ATXN7: variants seen among roughly 807,000 people sequenced by gnomAD.
ATXN7 encodes the protein ataxin 7, also known as ataxin-7.
Under a neutral mutation model 70.5 loss-of-function variants are expected in ATXN7, and 12 were observed. The observed-to-expected ratio is 0.17, with a 90% CI of 0.11 to 0.28. The LOEUF (loss-of-function observed/expected upper bound fraction) is 0.28. ATXN7 is among the 10% of genes least tolerant of loss of function. ATXN7 has a pLI of 1.00. For missense variants in ATXN7, 1,256 were observed against 1,131.7 expected (o/e 1.11, Z -1.58); for synonymous variants, 498 against 448.7 (o/e 1.11, Z -1.39).
At chr3:63,914,576 A>G (rs1234157778) in intron 4 of ATXN7, among the ~76,000 whole-genome samples, 1 of 152,204 alleles carries the variant, frequency 6.6e-6, no homozygotes, top group Non-Finnish European at 1.5e-5. Context: ...GGCAACTCTC[A>G]CAGTAAGCAG....
At chr3:63,976,818 C>G (rs1559653368) in intron 5 of ATXN7, among the ~76,000 whole-genome samples, 1 of 152,158 alleles carries the variant, frequency 6.6e-6, no homozygotes, top group Non-Finnish European at 1.5e-5. Context: ...GCACAACACT[C>G]AAAGACCTCA....
chr3:63,920,412 A>T lies in ATXN7; in HGVS notation c.394+7187A>T, dbSNP rs746747475. Among the ~76,000 whole-genome samples the T allele has an allele frequency of 2.4e-4, 37 of 152,186 alleles. 1 individual carries two copies. Among genetic ancestry groups the T allele is most frequent in the Non-Finnish European group, 1.6e-4 (11 of 68,032 alleles). ...AGGTAGCCCGCTAAGATCACAAAGC[A>T]TGTAAGAGGCCCTGTAACCCAGATC... On this transcript the variant is annotated intron_variant, in intron 4 of 12. Transcript: ENST00000674280.
At position 63,912,724 on chromosome 3, in the gene ATXN7, T is replaced by A; in HGVS notation, c.126T>A (p.Pro42=). 8.4e-7 allele frequency: 1 copy of A among 1,196,872 alleles called. No individual in the cohort carries two copies. Among genetic ancestry groups the A allele is most frequent in the Non-Finnish European group, 1.1e-6 (1 of 949,406 alleles). The allele number at this position is 1,196,872 out of a possible 1,614,324, so 74.1% of individuals were successfully genotyped here. A position where few individuals can be genotyped will look rare whatever the true frequency, so the allele number is the denominator to read the frequency against. The change falls in exon 3 of 13, where the codon CCT becomes CCA. Residue 42 remains proline, a synonymous_variant. Transcript: ENST00000674280. ...QQQQQQQQPP[P]PQPQRQQHPP... ...AGCAGCAGCAGCAGCAGCCGCCGCC[T>A]CCGCAGCCCCAGCGGCAGCAGCACC...
intron 4 of ATXN7, among the ~76,000 whole-genome samples, chr3:63,940,285 TCACACACACACACACACA>T (rs34660611): frequency 6.4e-5 from 9 of 141,442 alleles, no homozygotes; most frequent in Admixed American, 1.4e-4. Context: ...CCATGCCCCA[TCACACACACACACACACA>T]CACACACACA....
At chr3:63,961,751 A>T (rs967908465) in intron 5 of ATXN7, among the ~76,000 whole-genome samples, 1 of 152,040 alleles carries the variant, frequency 6.6e-6, no homozygotes, top group Non-Finnish European at 1.5e-5. Context: ...ATTATTATTT[A>T]ATATATATAT....
At chr3:63,991,650 C>T (rs1027584571) in intron 11 of ATXN7, among the ~76,000 whole-genome samples, 1 of 152,022 alleles carries the variant, frequency 6.6e-6, no homozygotes, top group African/African-American at 2.4e-5. Flanking sequence ...CAGCAGGGGC[C>T]AGGTGACACT....
intron 5 of ATXN7, among the ~76,000 whole-genome samples, chr3:63,953,109 C>T (rs1231982309): frequency 2.0e-5 from 3 of 151,864 alleles, no homozygotes; most frequent in Non-Finnish European, 2.9e-5. Flanking sequence ...AGTTTACAGT[C>T]GAATTGGAGA....
chr3:63,891,147 C>T (rs1226057561), intron 1 of ATXN7, among the ~76,000 whole-genome samples: 1 of 151,992 alleles, frequency 6.6e-6, no homozygotes, highest in Non-Finnish European at 1.5e-5. Flanking sequence ...GAAGCTGGGA[C>T]TACAGGCACG....
chr3:63,897,708 C>T (rs1421713679), intron 1 of ATXN7, among the ~76,000 whole-genome samples: 1 of 152,080 alleles, frequency 6.6e-6, no homozygotes, highest in Non-Finnish European at 1.5e-5. Flanking sequence ...GTGTCATTGC[C>T]CATATTTGTC....
intron 4 of ATXN7, among the ~76,000 whole-genome samples, chr3:63,918,486 C>G (rs1217652376): frequency 4.6e-5 from 7 of 152,154 alleles, no homozygotes; most frequent in Non-Finnish European, 1.0e-4. Flanking sequence ...TTTTAATGAT[C>G]CTCCTTGTAT....
At chr3:63,931,352 A>AC (rs1704952530) in intron 4 of ATXN7, among the ~76,000 whole-genome samples, 1 of 152,116 alleles carries the variant, frequency 6.6e-6, no homozygotes. Context: ...AAGCTTAATT[A>AC]CCCCAAGTTG....
At chr3:63,960,138 CAG>C (rs2075103534) in intron 5 of ATXN7, among the ~76,000 whole-genome samples, 1 of 152,110 alleles carries the variant, frequency 6.6e-6, no homozygotes, top group Non-Finnish European at 1.5e-5. Context: ...TGTTTAAACT[CAG>C]TGATGAAAGA....
At chr3:63,960,056 A>G (rs186885977) in intron 5 of ATXN7, among the ~76,000 whole-genome samples, 21 of 152,338 alleles carry the variant, frequency 1.4e-4, no homozygotes, top group Admixed American at 3.9e-4. Context: ...GCTAGGAATA[A>G]TGTGAGAGAA....
At chr3:63,891,142 T>C (rs1703250257) in intron 1 of ATXN7, among the ~76,000 whole-genome samples, 1 of 152,124 alleles carries the variant, frequency 6.6e-6, no homozygotes, top group Non-Finnish European at 1.5e-5. Context: ...CCTGAGAAGC[T>C]GGGACTACAG....
At chr3:63,992,215 A>G (rs1238992203) in intron 11 of ATXN7, among the ~76,000 whole-genome samples, 4 of 152,242 alleles carry the variant, frequency 2.6e-5, no homozygotes, top group African/African-American at 7.2e-5. Flanking sequence ...CTCCATGATC[A>G]TTAGCAGGAC....
At chr3:63,870,515 A>G (rs548032781) in intron 1 of ATXN7, among the ~76,000 whole-genome samples, 7 of 152,260 alleles carry the variant, frequency 4.6e-5, no homozygotes, top group Non-Finnish European at 7.4e-5. Context: ...ACTTCAGTCA[A>G]TAAGTTTTTA....
chr3:63,884,227 ACACACACACACACATACTCT>A (rs1284677335), intron 1 of ATXN7, among the ~76,000 whole-genome samples: 1 of 148,010 alleles, frequency 6.8e-6, no homozygotes, highest in African/African-American at 2.5e-5. Flanking sequence ...ACACACACAC[ACACACACACACACATACTCT>A]CACACACACA....
intron 5 of ATXN7, among the ~76,000 whole-genome samples, chr3:63,976,416 A>G (rs938616847): frequency 1.3e-5 from 2 of 152,098 alleles, no homozygotes; most frequent in East Asian, 1.9e-4. Flanking sequence ...TACACACACT[A>G]CACACACACA....
rs1575883423 is a variant in ATXN7, at chr3:63,912,741, A to G, written c.143A>G (p.Gln48Arg). Residue 48 changes from glutamine (Q) to arginine (R), a missense_variant, in exon 3 of 13, where the codon CAG becomes CGG. Coordinates refer to ENST00000674280, the MANE Select transcript of ATXN7 (RefSeq NM_001377405.1). ...QQPPPPQPQR[Q>R]QHPPPPPRRT... The stretch of plus-strand genomic sequence containing the variant: ...CCGCCGCCTCCGCAGCCCCAGCGGC[A>G]GCAGCACCCGCCACCGCCGCCACGG... 3.9e-6 allele frequency: 5 copies of G among 1,288,928 alleles called. No individual in the cohort carries two copies. The highest frequency in any genetic ancestry group is 4.9e-6 in the Non-Finnish European group (5 of 1,014,982). The allele number at this position is 1,288,928 out of a possible 1,614,324, so 79.8% of individuals were successfully genotyped here.
Sources: allele counts gnomAD v4.1 joint callset (sites outside exome capture counted in the v4.1 genomes callset), GRCh38; gene constraint gnomAD v4.1.1; transcripts MANE v1.5; gene names NCBI Gene and HGNC (gene_info 2026-07-23, HGNC 2026-07-21).